GRIK2: variants seen among roughly 807,000 people sequenced by gnomAD.
GRIK2 encodes glutamate ionotropic receptor kainate type subunit 2.
In GRIK2, 32 loss-of-function variants were observed where a neutral mutation model predicts 100.3. The observed-to-expected ratio is 0.32, with a 90% CI of 0.24 to 0.43. The LOEUF (loss-of-function observed/expected upper bound fraction) is 0.43. Among genes scored for constraint, GRIK2 ranks in the 20% least tolerant of loss-of-function variants. GRIK2 has a pLI of 1.00. For synonymous variants in GRIK2, 417 were observed against 389.4 expected (o/e 1.07, Z -0.83); for missense variants, 843 against 1,114.9 (o/e 0.76, Z 3.47).
In GRIK2 at chr6:101,820,685, G is replaced by A. The variant is rs780841864; in HGVS notation, c.1317+2202G>A. On this transcript the variant is annotated intron_variant, in intron 10 of 16. Transcript: ENST00000369134. ...TCTCGATCTCTTGACCTCGTGATCC[G>A]CCTGCCTCAGCCTCCCAAAGTGTTC... Among the ~76,000 whole-genome samples the A allele has an allele frequency of 1.5e-3, 225 of 152,162 alleles. 2 individuals carry two copies. The highest frequency in any genetic ancestry group is 1.3e-3 in the Non-Finnish European group (89 of 67,992).
chr6:101,734,613 A>G (rs1775508360), intron 7 of GRIK2, among the ~76,000 whole-genome samples: 1 of 152,188 alleles, frequency 6.6e-6, no homozygotes, highest in South Asian at 2.1e-4. Context: ...CATATAATTA[A>G]CCATCACAGG....
At chr6:101,826,807 A>G (rs893151533) in intron 10 of GRIK2, among the ~76,000 whole-genome samples, 2 of 152,036 alleles carry the variant, frequency 1.3e-5, no homozygotes, top group Admixed American at 6.6e-5. Flanking sequence ...GTTTTTTCTT[A>G]ATACAAGCAT....
chr6:101,894,122 A>G (rs939602363), intron 12 of GRIK2, among the ~76,000 whole-genome samples: 3 of 151,500 alleles, frequency 2.0e-5, no homozygotes, highest in African/African-American at 7.3e-5. Context: ...TTACAAATTA[A>G]GATCTAATAA....
At chr6:101,441,571 T>C (rs1343898821) in intron 2 of GRIK2, among the ~76,000 whole-genome samples, 3 of 152,166 alleles carry the variant, frequency 2.0e-5, no homozygotes, top group Non-Finnish European at 4.4e-5. Flanking sequence ...TAGTTCCACC[T>C]TGATAGACTT....
chr6:101,627,115 CTCTGTG>C (rs969852281), intron 4 of GRIK2, among the ~76,000 whole-genome samples: 36 of 122,558 alleles, frequency 2.9e-4, no homozygotes, highest in African/African-American at 1.2e-3. Context: ...GTGTGTGTGT[CTCTGTG>C]TGTGTGTGTG....
intron 5 of GRIK2, among the ~76,000 whole-genome samples, chr6:101,680,651 C>G (rs1365346625): frequency 2.6e-5 from 4 of 151,966 alleles, no homozygotes; most frequent in Non-Finnish European, 4.4e-5. Context: ...TTTCAATTAC[C>G]TTTATCTCTA....
intron 9 of GRIK2, among the ~76,000 whole-genome samples, 182 bp from the exon 10 acceptor site, chr6:101,818,188 A>G (rs886916477): frequency 6.6e-6 from 1 of 152,164 alleles, no homozygotes; most frequent in Non-Finnish European, 1.5e-5. Context: ...TTAATGTTAC[A>G]CTTCACTGAA....
chr6:101,910,786 G>A (rs1435023375), intron 12 of GRIK2, among the ~76,000 whole-genome samples: 1 of 148,934 alleles, frequency 6.7e-6, no homozygotes, highest in African/African-American at 2.5e-5. Context: ...TACAGGAAAA[G>A]AATTAGGTGA....
At chr6:101,587,115 A>C (rs1778411879) in intron 2 of GRIK2, among the ~76,000 whole-genome samples, 1 of 152,052 alleles carries the variant, frequency 6.6e-6, no homozygotes, top group Non-Finnish European at 1.5e-5. Context: ...GTAAATAAAA[A>C]TAGGGTTTTA....
intron 2 of GRIK2, among the ~76,000 whole-genome samples, chr6:101,608,949 G>C (rs9404125): frequency 0.34 from 52,199 of 151,448 alleles, 9,317 homozygotes; most frequent in African/African-American, 0.43. Context: ...TAAACATTTT[G>C]GTCAGTGACC....
chr6:101,409,395 G>A (rs998248760), intron 2 of GRIK2, among the ~76,000 whole-genome samples: 73 of 152,020 alleles, frequency 4.8e-4, no homozygotes, highest in African/African-American at 1.7e-3. Flanking sequence ...ATCACCTAAC[G>A]ATGCATTTCT....
intron 4 of GRIK2, among the ~76,000 whole-genome samples, chr6:101,641,071 G>A (rs1781258013): frequency 6.6e-6 from 1 of 151,964 alleles, no homozygotes; most frequent in Non-Finnish European, 1.5e-5. Context: ...TATTCAAAAT[G>A]GTTTTGAATT....
intron 14 of GRIK2, among the ~76,000 whole-genome samples, chr6:102,027,822 A>G (rs1323140485): frequency 2.0e-5 from 3 of 151,116 alleles, no homozygotes; most frequent in African/African-American, 7.3e-5. Flanking sequence ...TGAGGAATCC[A>G]TTTGTGTACC....
chr6:101,611,178 T>C (rs1241534868), intron 2 of GRIK2, among the ~76,000 whole-genome samples: 1 of 151,882 alleles, frequency 6.6e-6, no homozygotes, highest in African/African-American at 2.4e-5. Flanking sequence ...TAAAAGCTTA[T>C]TTATTTTTAA....
chr6:101,679,980 C>T (rs1227073152), intron 5 of GRIK2, among the ~76,000 whole-genome samples: 1 of 152,260 alleles, frequency 6.6e-6, no homozygotes, highest in Non-Finnish European at 1.5e-5. Context: ...CCTCGTGATC[C>T]ACCTGCCTTG....
intron 8 of GRIK2, 104 bp downstream of exon 8, chr6:101,799,895 A>G: frequency 1.1e-6 from 1 of 879,816 alleles, no homozygotes; most frequent in Admixed American, 2.6e-5. Flanking sequence ...TTTATGTTTA[A>G]TTTAAATTTT....
In GRIK2 at chr6:101,645,511, G is replaced by A. The variant is rs370674641; in HGVS notation, c.541+18874G>A. ...TTAAACAATAAAGATGGGAGAGGCC[G>A]TTTGTCTTTCTAAAGGTTTGCTTAT... is the stretch of plus-strand genomic sequence containing the variant. On this transcript the variant is annotated intron_variant, in intron 4 of 16. Transcript: ENST00000369134. Among the ~76,000 whole-genome samples the A allele has an allele frequency of 4.7e-4, 72 of 151,962 alleles. 1 individual carries two copies. The highest frequency in any genetic ancestry group is 6.6e-4 in the Non-Finnish European group (45 of 67,836).
chr6:101,998,630 T>C (rs990780425), intron 14 of GRIK2, among the ~76,000 whole-genome samples: 22 of 151,996 alleles, frequency 1.4e-4, no homozygotes, highest in Admixed American at 1.3e-4. Context: ...CTAAGATTCA[T>C]TTTGAGTTAA....
At chr6:101,735,863 C>T (rs944607670) in intron 7 of GRIK2, among the ~76,000 whole-genome samples, 3 of 152,164 alleles carry the variant, frequency 2.0e-5, no homozygotes, top group Admixed American at 6.5e-5. Context: ...AGTTCACAAT[C>T]GAAAGTCTCA....
Sources: allele counts gnomAD v4.1 joint callset (sites outside exome capture counted in the v4.1 genomes callset), GRCh38; gene constraint gnomAD v4.1.1; transcripts MANE v1.5; gene names NCBI Gene and HGNC (gene_info 2026-07-23, HGNC 2026-07-21).